ARID4B: variants seen among roughly 807,000 people sequenced by gnomAD.
The protein encoded by ARID4B is AT-rich interaction domain 4B.
Under a neutral mutation model 147.5 loss-of-function variants are expected in ARID4B, and 26 were observed. The ratio of observed to expected loss-of-function variants is 0.18; its 90% CI spans 0.13 to 0.24. The LOEUF is 0.24. Ranked by LOEUF, ARID4B falls within the 10% of genes least tolerant of loss-of-function variation. The probability of loss-of-function intolerance (pLI) is 1.00; values close to 1 mark genes in which losing one functional copy is unlikely to be tolerated. For synonymous variants in ARID4B, 512 were observed against 507.9 expected, an observed-to-expected ratio of 1.01 and a Z score of -0.11; for missense variants, 1,179 against 1,511.5, an observed-to-expected ratio of 0.78 and a Z score of 3.65.
At chr1:235,327,596 G>C (rs942776120) in intron 1 of ARID4B, 173 bp downstream of exon 1, 1 of 152,264 alleles carries the variant, frequency 6.6e-6, no homozygotes, top group Non-Finnish European at 1.5e-5. Flanking sequence ...CCCAGCCAGG[G>C]GGCGGCTCGG....
chr1:235,303,774 T>A (rs1181848816), intron 2 of ARID4B, among the ~76,000 whole-genome samples: 1 of 152,208 alleles, frequency 6.6e-6, no homozygotes, highest in Non-Finnish European at 1.5e-5. Context: ...CAAAGCTATA[T>A]GAATCTGACT....
intron 2 of ARID4B, among the ~76,000 whole-genome samples, chr1:235,311,769 G>A (rs1363925070): frequency 6.6e-6 from 1 of 151,594 alleles, no homozygotes; most frequent in Non-Finnish European, 1.5e-5. Context: ...GCAAGACCCT[G>A]TCTCAAAAAC....
At position 235,168,672 on chromosome 1, in the gene ARID4B, A is replaced by C. The variant is rs748855470; in HGVS notation, c.3812-20T>G. On this transcript the variant is annotated intron_variant, in intron 23 of 23. Coordinates refer to ENST00000264183, the MANE Select transcript of ARID4B (RefSeq NM_016374.6). ...CAGCACCTAAGGAAAAGGGAGACCA[A>C]ACCAAGAGCTTAATAAAAATTTATG... 4 of 1,600,884 alleles carry C rather than the reference A, an allele frequency of 2.5e-6. No individual in the cohort carries two copies. Among genetic ancestry groups the C allele is most frequent in the Non-Finnish European group, 3.4e-6 (4 of 1,173,100 alleles).
chr1:235,295,039 T>G (rs1672595003), intron 2 of ARID4B, among the ~76,000 whole-genome samples: 2 of 151,692 alleles, frequency 1.3e-5, no homozygotes, highest in African/African-American at 4.8e-5. Context: ...AAAATTTTAT[T>G]TTCATTTAAA....
chr1:235,301,465 G>C (rs1049722214), intron 2 of ARID4B, among the ~76,000 whole-genome samples: 1 of 150,810 alleles, frequency 6.6e-6, no homozygotes, highest in African/African-American at 2.4e-5. Context: ...CTAGAGCCTA[G>C]AAAGTCAAGG....
At chr1:235,206,170 T>C (rs1019812450) in intron 17 of ARID4B, among the ~76,000 whole-genome samples, 2 of 152,222 alleles carry the variant, frequency 1.3e-5, no homozygotes, top group South Asian at 4.1e-4. Flanking sequence ...GCCAAATGAA[T>C]ACTTTTCTAG....
intron 2 of ARID4B, among the ~76,000 whole-genome samples, chr1:235,282,103 AATC>A (rs934975423): frequency 2.0e-5 from 3 of 152,208 alleles, no homozygotes; most frequent in African/African-American, 7.2e-5. Flanking sequence ...AGGAATTGAA[AATC>A]ATCAAAAACA....
intron 2 of ARID4B, among the ~76,000 whole-genome samples, chr1:235,263,824 A>T (rs1156229189): frequency 7.5e-6 from 1 of 132,696 alleles, no homozygotes; most frequent in Non-Finnish European, 1.5e-5. Flanking sequence ...CGTCTCTACT[A>T]AAAAAAAAAA....
intron 18 of ARID4B, among the ~76,000 whole-genome samples, chr1:235,194,588 C>T (rs1012594735): frequency 3.3e-5 from 5 of 151,906 alleles, no homozygotes; most frequent in African/African-American, 7.3e-5. Context: ...TGGGAGGCCG[C>T]GGCAGGTGGA....
intron 2 of ARID4B, among the ~76,000 whole-genome samples, chr1:235,274,232 T>G (rs1671167127): frequency 6.6e-6 from 1 of 150,882 alleles, no homozygotes; most frequent in South Asian, 2.1e-4. Flanking sequence ...AAAAAAAAAA[T>G]TAGCTGGGCG....
At chr1:235,242,626 C>T (rs1412754448) in intron 7 of ARID4B, among the ~76,000 whole-genome samples, 3 of 152,112 alleles carry the variant, frequency 2.0e-5, no homozygotes, top group Non-Finnish European at 4.4e-5. Flanking sequence ...ATCTGTACAA[C>T]ATAGAGAAAA....
At chr1:235,242,067 G>T (rs1446630959) in intron 7 of ARID4B, among the ~76,000 whole-genome samples, 1 of 151,884 alleles carries the variant, frequency 6.6e-6, no homozygotes, top group Non-Finnish European at 1.5e-5. Flanking sequence ...GGCCAAAATG[G>T]TGAAACCTCG....
chr1:235,240,507 C>T (rs751969378), intron 7 of ARID4B, 56 bp from the exon 8 acceptor site: 1 of 1,521,236 alleles, frequency 6.6e-7, no homozygotes, highest in South Asian at 1.2e-5. Flanking sequence ...AATAAGCATG[C>T]CAATGATGAA....
At position 235,183,398 on chromosome 1, in the gene ARID4B, C is replaced by A. The variant is rs573486835; in HGVS notation, c.2126-605G>T. Among the ~76,000 whole-genome samples the A allele has an allele frequency of 5.2e-4, 79 of 151,982 alleles. 1 individual carries two copies. The highest frequency in any genetic ancestry group is 9.3e-4 in the Non-Finnish European group (63 of 67,986). On this transcript the variant is annotated intron_variant, in intron 19 of 23. Transcript: ENST00000264183. The stretch of plus-strand genomic sequence containing the variant: ...TAATTTTTTGTATTTTTAGTAGACA[C>A]GGGGTTTCACTGTGTTAGCCAGGAT...
intron 18 of ARID4B, among the ~76,000 whole-genome samples, chr1:235,194,948 T>G (rs1665393940): frequency 6.6e-6 from 1 of 152,116 alleles, no homozygotes; most frequent in African/African-American, 2.4e-5. Context: ...CCTACCTCAG[T>G]GATATATTAA....
At chr1:235,197,340 A>C (rs989540340) in intron 17 of ARID4B, among the ~76,000 whole-genome samples, 1 of 152,216 alleles carries the variant, frequency 6.6e-6, no homozygotes, top group African/African-American at 2.4e-5. Context: ...GGAAGTAACA[A>C]AGTCCCCAAA....
intron 2 of ARID4B, among the ~76,000 whole-genome samples, chr1:235,279,584 ATCT>A (rs768020720): frequency 1.3e-5 from 2 of 152,218 alleles, no homozygotes; most frequent in African/African-American, 2.4e-5. Context: ...TAAAAAGCTA[ATCT>A]TCTATGCAGA....
intron 11 of ARID4B, chr1:235,228,674 CTCGCTCTG>C: frequency 7.2e-6 from 1 of 138,292 alleles, no homozygotes. Context: ...GAGACAGAGT[CTCGCTCTG>C]TCGCCCAGGC....
chr1:235,254,285 A>G (rs1669816043), intron 5 of ARID4B, among the ~76,000 whole-genome samples: 2 of 152,126 alleles, frequency 1.3e-5, no homozygotes, highest in Non-Finnish European at 2.9e-5. Flanking sequence ...GAAATCACGA[A>G]AGACATTTTA....
Sources: gnomAD v4.1 joint callset for allele counts (sites outside exome capture counted in the v4.1 genomes callset) on GRCh38, gnomAD v4.1.1 for gene constraint, MANE v1.5 for transcripts, NCBI Gene and HGNC (gene_info 2026-07-23, HGNC 2026-07-21) for gene names.